BMERB1: variants seen among roughly 807,000 people sequenced by gnomAD.
The protein encoded by BMERB1 is bMERB domain-containing protein 1.
In BMERB1, 12 loss-of-function variants were observed where a neutral mutation model predicts 23.6. That is an observed-to-expected ratio of 0.51 (90% CI 0.33 to 0.82). The LOEUF (loss-of-function observed/expected upper bound fraction) is 0.82. Among genes scored for constraint, BMERB1 ranks in the 40% least tolerant of loss-of-function variants. The pLI is 0.03. For synonymous variants in BMERB1, 122 were observed against 96.6 expected (o/e 1.26, Z -1.54); for missense variants, 247 against 255.4 (o/e 0.97, Z 0.22).
intron 1 of BMERB1, among the ~76,000 whole-genome samples, chr16:15,447,359 C>T (rs545033566): frequency 6.6e-6 from 1 of 152,114 alleles, no homozygotes; most frequent in Admixed American, 6.6e-5. Context: ...TATCAAACAA[C>T]CAGATCTCGT....
At chr16:15,482,972 T>C (rs756814776) in intron 1 of BMERB1, among the ~76,000 whole-genome samples, 2 of 152,060 alleles carry the variant, frequency 1.3e-5, no homozygotes, top group African/African-American at 4.8e-5. Context: ...GTAAAACACA[T>C]AGAAAAAAAT....
In BMERB1 at chr16:15,471,731, A is replaced by G. The variant is rs139429005; in HGVS notation, c.106+36972A>G. Among the ~76,000 whole-genome samples, 608 of 152,200 alleles carry G rather than the reference A, an allele frequency of 4.0e-3. 8 individuals carry two copies. The highest frequency in any genetic ancestry group is 0.014 in the African/African-American group (577 of 41,536). ...CTCCAAAGTAGCTGGAACTACAAGC[A>G]TGCACCACCACGCCTGGCTAATTTT... On this transcript the variant is annotated intron_variant, in intron 1 of 5. Coordinates refer to ENST00000300006, the MANE Select transcript of BMERB1 (RefSeq NM_033201.3).
At chr16:15,468,162 T>TTTTTTTTTTTTTTTTTC (rs57267276) in intron 1 of BMERB1, among the ~76,000 whole-genome samples, 3 of 64,532 alleles carry the variant, frequency 4.6e-5, no homozygotes, top group African/African-American at 1.0e-4. Flanking sequence ...TTTTTTTTTT[T>TTTTTTTTTTTTTTTTTC]TGAGGCAGGG....
intron 3 of BMERB1, among the ~76,000 whole-genome samples, chr16:15,578,521 G>A (rs1196373510): frequency 2.0e-5 from 3 of 152,038 alleles, no homozygotes; most frequent in African/African-American, 4.8e-5. Flanking sequence ...ATATAAACTG[G>A]GGAAAACTAT....
chr16:15,513,880 C>T (rs1056100484), intron 1 of BMERB1, among the ~76,000 whole-genome samples: 1 of 151,078 alleles, frequency 6.6e-6, no homozygotes, highest in African/African-American at 2.4e-5. Flanking sequence ...GGCAACAGGG[C>T]GAGACTCCGT....
intron 2 of BMERB1, among the ~76,000 whole-genome samples, chr16:15,537,400 G>T: frequency 6.6e-6 from 1 of 151,798 alleles, no homozygotes. Context: ...TGTTGCCCAG[G>T]CTGGAGTGCA....
intron 1 of BMERB1, among the ~76,000 whole-genome samples, chr16:15,456,270 T>G (rs2051086700): frequency 6.6e-6 from 1 of 152,174 alleles, no homozygotes; most frequent in East Asian, 1.9e-4. Context: ...CTAATCAGTC[T>G]TCTTTTTTTA....
intron 2 of BMERB1, among the ~76,000 whole-genome samples, chr16:15,531,919 C>T (rs756949726): frequency 3.9e-5 from 6 of 152,084 alleles, no homozygotes; most frequent in Non-Finnish European, 5.9e-5. Context: ...GACAGGATGC[C>T]CAAAGAGAAA....
chr16:15,539,427 T>C (rs1264964769), intron 2 of BMERB1, among the ~76,000 whole-genome samples: 1 of 152,170 alleles, frequency 6.6e-6, no homozygotes, highest in Non-Finnish European at 1.5e-5. Flanking sequence ...GCCAAGGACC[T>C]GTACTGGTGG....
chr16:15,531,641 A>G (rs1165050912), intron 2 of BMERB1, among the ~76,000 whole-genome samples: 1 of 152,080 alleles, frequency 6.6e-6, no homozygotes, highest in Non-Finnish European at 1.5e-5. Flanking sequence ...GGTTCTCATC[A>G]TTTTTTTGAA....
chr16:15,520,838 C>G (rs1408185390), intron 2 of BMERB1, among the ~76,000 whole-genome samples: 1 of 152,172 alleles, frequency 6.6e-6, no homozygotes, highest in Non-Finnish European at 1.5e-5. Flanking sequence ...GATCTTAAAG[C>G]TTGAAGCCCT....
intron 1 of BMERB1, among the ~76,000 whole-genome samples, chr16:15,476,526 G>C (rs1437913254): frequency 6.6e-6 from 1 of 152,206 alleles, no homozygotes; most frequent in Non-Finnish European, 1.5e-5. Context: ...AGTGAGCTTT[G>C]TTGACACCAG....
intron 2 of BMERB1, among the ~76,000 whole-genome samples, chr16:15,541,454 G>T (rs1215052244): frequency 1.4e-5 from 2 of 140,536 alleles, no homozygotes; most frequent in Non-Finnish European, 1.5e-5. Context: ...TTGAGACAGG[G>T]TCTCACTCTG....
In BMERB1 at chr16:15,515,329, C is replaced by T. The variant is rs763790567; in HGVS notation, c.131C>T (p.Ala44Val). 1.9e-6 allele frequency: 3 copies of T among 1,613,646 alleles called. No individual in the cohort carries two copies. Among genetic ancestry groups the T allele is most frequent in the South Asian group, 1.1e-5 (1 of 91,042 alleles). Residue 44 changes from alanine (A) to valine (V), a missense_variant, in exon 2 of 6, where the codon GCG becomes GTG. Coordinates refer to ENST00000300006, the MANE Select transcript of BMERB1 (RefSeq NM_033201.3). ...GRNQLDIISMAETTMMPEEIE... is the reference protein window; with the variant it reads ...GRNQLDIISMVETTMMPEEIE... ...GATCAGCTGGACATCATCTCCATGGCGGAGACAACCATGATGCCAGAGGAG... is the reference window on the plus strand; with the variant it reads ...GATCAGCTGGACATCATCTCCATGGTGGAGACAACCATGATGCCAGAGGAG...
chr16:15,463,270 T>TATATATATATATATATATATATATA (rs2051152108), intron 1 of BMERB1, among the ~76,000 whole-genome samples: 4 of 151,450 alleles, frequency 2.6e-5, no homozygotes, highest in African/African-American at 9.8e-5. Context: ...TATATATATA[T>TATATATATATATATATATATATATA]TTTGTAGAGG....
intron 1 of BMERB1, among the ~76,000 whole-genome samples, chr16:15,504,355 C>T (rs373185198): frequency 6.6e-6 from 1 of 152,048 alleles, no homozygotes; most frequent in African/African-American, 2.4e-5. Flanking sequence ...TAACAATGCA[C>T]CAATGTCAAC....
intron 5 of BMERB1, among the ~76,000 whole-genome samples, 177 bp downstream of exon 5, chr16:15,583,415 C>T: frequency 1.3e-5 from 2 of 151,586 alleles, no homozygotes; most frequent in Non-Finnish European, 2.9e-5. Context: ...CCGTATCTAC[C>T]AAAAATATAA....
chr16:15,545,544 A>G (rs1362917290), intron 2 of BMERB1, among the ~76,000 whole-genome samples: 1 of 152,160 alleles, frequency 6.6e-6, no homozygotes, highest in Non-Finnish European at 1.5e-5. Context: ...ATGGGATTGT[A>G]GAAGGCTATG....
chr16:15,503,447 ATTTTTTT>A (rs35592502), intron 1 of BMERB1, among the ~76,000 whole-genome samples: 1 of 133,322 alleles, frequency 7.5e-6, no homozygotes, highest in Non-Finnish European at 1.6e-5. Flanking sequence ...ACGCCCGGCT[ATTTTTTT>A]TTTTTTTTTT....
Sources: allele counts gnomAD v4.1 joint callset (sites outside exome capture counted in the v4.1 genomes callset), GRCh38; gene constraint gnomAD v4.1.1; transcripts MANE v1.5; gene names NCBI Gene and HGNC (gene_info 2026-07-23, HGNC 2026-07-21).